DCAF6: variants seen among roughly 807,000 people sequenced by gnomAD.
DCAF6 encodes the protein DDB1- and CUL4-associated factor 6.
Under a neutral mutation model 125.1 loss-of-function variants are expected in DCAF6, and 54 were observed. The ratio of observed to expected loss-of-function variants is 0.43; its 90% CI spans 0.35 to 0.54. DCAF6 has a LOEUF of 0.54. DCAF6 is among the 20% of genes least tolerant of loss of function. DCAF6 has a pLI of 0.01. For missense variants in DCAF6, 934 were observed against 1,161.7 expected, an observed-to-expected ratio of 0.80 and a Z score of 2.85; for synonymous variants, 371 against 390.4, an observed-to-expected ratio of 0.95 and a Z score of 0.58.
At chr1:167,885,569 T>C in the DCAF6 span, among the ~76,000 whole-genome samples, 2 of 152,232 alleles carry the variant, frequency 1.3e-5, no homozygotes, top group African/African-American at 4.8e-5. Context: ...TCACATATTT[T>C]TCACATACTT....
the DCAF6 span, among the ~76,000 whole-genome samples, chr1:167,926,135 A>G: frequency 6.6e-6 from 1 of 152,220 alleles, no homozygotes; most frequent in Non-Finnish European, 1.5e-5. Flanking sequence ...ATTTTCTCAC[A>G]TACATCTGGT....
intron 1 of DCAF6, among the ~76,000 whole-genome samples, chr1:167,940,506 AT>A (rs5778563): frequency 6.0e-4 from 87 of 146,102 alleles, no homozygotes; most frequent in Middle Eastern, 3.6e-3. Context: ...GCCTCCTGGA[AT>A]TTTTTTTTTT....
chr1:167,964,908 C>T lies in DCAF6; in HGVS notation c.160-1721C>T, dbSNP rs989404664. Among the ~76,000 whole-genome samples the T allele has an allele frequency of 2.0e-5, 3 of 152,196 alleles. No individual in the cohort carries two copies. The South Asian group carries it at 6.2e-4, about 32-fold the overall frequency. The stretch of plus-strand genomic sequence containing the variant: ...ATTTCCTTTTTATTCTTAGGATTTC[C>T]GTCTCTCTGCTGACATTGCCCATCT... On this transcript the variant is annotated intron_variant, in intron 2 of 21. Coordinates refer to ENST00000367840, the MANE Select transcript of DCAF6 (RefSeq NM_001198956.2).
At chr1:167,870,508 T>C in the DCAF6 span, 1 of 1,123,860 alleles carries the variant, frequency 8.9e-7, no homozygotes, top group Non-Finnish European at 1.3e-6. Context: ...AAAAATATCC[T>C]TGGGCCAGGC....
chr1:168,008,943 T>TTCTC (rs1429658761), intron 10 of DCAF6, among the ~76,000 whole-genome samples: 1 of 141,396 alleles, frequency 7.1e-6, no homozygotes, highest in Admixed American at 7.1e-5. Context: ...CTCTCTCTCT[T>TTCTC]TCTCTCTCTC....
At chr1:167,920,732 A>G in the DCAF6 span, 1 of 1,153,676 alleles carries the variant, frequency 8.7e-7, no homozygotes, top group Non-Finnish European at 1.2e-6. Flanking sequence ...TCCGTAAGTT[A>G]GCAGCTATAA....
chr1:167,932,512 T>C (rs1453858103), upstream of DCAF6, among the ~76,000 whole-genome samples: 1 of 151,808 alleles, frequency 6.6e-6, no homozygotes, highest in African/African-American at 2.4e-5. Context: ...TAACTAAGCT[T>C]TTAAGAAAAC....
chr1:167,924,993 C>T, the DCAF6 span, among the ~76,000 whole-genome samples: 1 of 152,094 alleles, frequency 6.6e-6, no homozygotes, highest in African/African-American at 2.4e-5. Context: ...GTAAAAATGG[C>T]AGTTGCTTCC....
intron 2 of DCAF6, among the ~76,000 whole-genome samples, chr1:167,954,748 G>A (rs796267171): frequency 1.8e-4 from 27 of 152,236 alleles, no homozygotes; most frequent in African/African-American, 5.8e-4. Flanking sequence ...CACCGCACCC[G>A]GCAAATTTTT....
intron 21 of DCAF6, among the ~76,000 whole-genome samples, chr1:168,070,339 T>A (rs1162000401): frequency 6.6e-6 from 1 of 152,102 alleles, no homozygotes; most frequent in Non-Finnish European, 1.5e-5. Context: ...CCACTCTTTT[T>A]CTCTCCTATC....
intron 2 of DCAF6, among the ~76,000 whole-genome samples, chr1:167,957,759 G>C (rs563182996): frequency 4.0e-5 from 6 of 151,868 alleles, no homozygotes; most frequent in African/African-American, 9.7e-5. Context: ...CAACATACAG[G>C]GTTCCAGTTT....
At chr1:167,879,403 C>T in the DCAF6 span, among the ~76,000 whole-genome samples, 49 of 152,096 alleles carry the variant, frequency 3.2e-4, no homozygotes, top group Non-Finnish European at 1.2e-4. Flanking sequence ...AACTTGAATA[C>T]TTCTGAACAA....
At position 167,943,083 on chromosome 1, in the gene DCAF6, A is replaced by AT. The variant is rs1040838674; in HGVS notation, c.97+6082dup. On this transcript the variant is annotated intron_variant, in intron 1 of 21. Coordinates refer to ENST00000367840, the MANE Select transcript of DCAF6 (RefSeq NM_001198956.2). The stretch of plus-strand genomic sequence containing the variant: ...CACCACGCCCGGCTAATTTTTTTGT[A>AT]TTTTTTTAGTAGAGATGGGGTTTCA... 1.2e-3 allele frequency among the ~76,000 whole-genome samples: 187 copies of AT among 151,740 alleles called. 2 individuals carry two copies. Among genetic ancestry groups the AT allele is most frequent in the African/African-American group, 4.4e-3 (180 of 41,370 alleles).
intron 17 of DCAF6, among the ~76,000 whole-genome samples, chr1:168,058,387 T>C (rs1691162427): frequency 6.6e-6 from 1 of 152,236 alleles, no homozygotes; most frequent in African/African-American, 2.4e-5. Context: ...AAATTAAATA[T>C]AATATCTAAC....
intron 4 of DCAF6, among the ~76,000 whole-genome samples, chr1:167,975,660 C>G (rs886345198): frequency 6.6e-6 from 1 of 152,208 alleles, no homozygotes; most frequent in African/African-American, 2.4e-5. Flanking sequence ...GTCTTCTCAC[C>G]TCAGCCTCTT....
At chr1:167,900,587 C>T in the DCAF6 span, among the ~76,000 whole-genome samples, 1 of 151,858 alleles carries the variant, frequency 6.6e-6, no homozygotes, top group South Asian at 2.1e-4. Context: ...GGCTGGAGTG[C>T]AATGGCGCCA....
At chr1:167,958,094 G>T (rs1430260824) in intron 2 of DCAF6, among the ~76,000 whole-genome samples, 1 of 152,054 alleles carries the variant, frequency 6.6e-6, no homozygotes, top group Non-Finnish European at 1.5e-5. Flanking sequence ...TCTATGGGTT[G>T]TCTTTTTGCC....
At chr1:167,883,724 G>T in the DCAF6 span, 1 of 1,134,528 alleles carries the variant, frequency 8.8e-7, no homozygotes, top group Non-Finnish European at 1.3e-6. Flanking sequence ...TCTAGGGAAT[G>T]TCTACCTCAG....
chr1:167,961,521 G>A (rs140867815), intron 2 of DCAF6, among the ~76,000 whole-genome samples: 2,825 of 151,994 alleles, frequency 0.019, 76 homozygotes, highest in African/African-American at 0.064. Context: ...GATTACAGGC[G>A]TGAGCCACTG....
Sources: allele counts gnomAD v4.1 joint callset (sites outside exome capture counted in the v4.1 genomes callset), GRCh38; gene constraint gnomAD v4.1.1; transcripts MANE v1.5; gene names NCBI Gene and HGNC (gene_info 2026-07-23, HGNC 2026-07-21).